Variants in GDA observed in about 807,000 individuals in gnomAD.
The protein encoded by GDA is cytoplasmic PSD-95 interactor.
GDA carries 18 observed loss-of-function variants against 59.6 expected under a neutral mutation model. The observed-to-expected ratio is 0.30, with a 90% CI of 0.21 to 0.45. The LOEUF is 0.45. Among genes scored for constraint, GDA ranks in the 20% least tolerant of loss-of-function variants. GDA has a pLI of 1.00. For synonymous variants in GDA, 201 were observed against 201.1 expected (o/e 1.00, Z 0.00); for missense variants, 427 against 552.3 (o/e 0.77, Z 2.27).
At chr9:72,189,313 T>C (rs1832251435) in intron 1 of GDA, among the ~76,000 whole-genome samples, 1 of 151,586 alleles carries the variant, frequency 6.6e-6, no homozygotes, top group African/African-American at 2.4e-5. Context: ...CCTGAATAGC[T>C]GGGGTTACAG....
chr9:72,218,587 C>A (rs1181616041), intron 5 of GDA, among the ~76,000 whole-genome samples: 1 of 152,208 alleles, frequency 6.6e-6, no homozygotes, highest in Non-Finnish European at 1.5e-5. Context: ...TTACAGTTGC[C>A]ACCATCCCTG....
chr9:72,174,051 T>A (rs1042268781), intron 1 of GDA, among the ~76,000 whole-genome samples: 10 of 152,216 alleles, frequency 6.6e-5, no homozygotes, highest in Non-Finnish European at 1.5e-4. Flanking sequence ...TTCCATTAAT[T>A]GTTCTATGTG....
intron 1 of GDA, among the ~76,000 whole-genome samples, chr9:72,175,840 A>G (rs1186822501): frequency 3.9e-5 from 6 of 152,226 alleles, no homozygotes; most frequent in South Asian, 2.1e-4. Context: ...TGAGTCTGCT[A>G]TAAGGAAACC....
chr9:72,219,467 G>T lies in GDA; in HGVS notation c.579-12G>T, dbSNP rs1836583176. 1 of 1,574,704 alleles carries T rather than the reference G, an allele frequency of 6.4e-7. No individual in the cohort carries two copies. Among genetic ancestry groups the T allele is most frequent in the South Asian group, 1.2e-5 (1 of 86,478 alleles). ...GCTCAAGTTTTCTAACCCATTTGTT[G>T]CTTTATTTCAGATTTGTGTCAGAAA... is the stretch of plus-strand genomic sequence containing the variant. On this transcript the variant is annotated splice_polypyrimidine_tract_variant and intron_variant, in intron 5 of 13. Transcript: ENST00000358399.
downstream of GDA, among the ~76,000 whole-genome samples, chr9:72,252,803 A>T (rs1295809498): frequency 2.0e-5 from 3 of 152,098 alleles, no homozygotes; most frequent in East Asian, 5.8e-4. Context: ...CAGATATGTT[A>T]CTTTAAGTGT....
downstream of GDA, among the ~76,000 whole-genome samples, chr9:72,255,440 G>A (rs1840861893): frequency 6.6e-6 from 1 of 152,050 alleles, no homozygotes; most frequent in African/African-American, 2.4e-5. Context: ...ACCAGATCCT[G>A]TTTTGGTCAG....
intron 2 of GDA, among the ~76,000 whole-genome samples, chr9:72,199,939 T>A (rs1395449368): frequency 6.6e-6 from 1 of 152,026 alleles, no homozygotes; most frequent in Non-Finnish European, 1.5e-5. Flanking sequence ...CAGAGAACTC[T>A]GGCATCGCCA....
chr9:72,169,526 G>A (rs75871252), intron 1 of GDA, among the ~76,000 whole-genome samples: 4,825 of 152,164 alleles, frequency 0.032, 275 homozygotes, highest in African/African-American at 0.11. Context: ...ACTTAATGTG[G>A]CTACTCTGAA....
chr9:72,235,566 A>G (rs1283192442), intron 10 of GDA, among the ~76,000 whole-genome samples: 1 of 152,084 alleles, frequency 6.6e-6, no homozygotes, highest in Non-Finnish European at 1.5e-5. Context: ...GTGTGGTAGC[A>G]TGTGCCTGTA....
At chr9:72,220,335 A>G (rs530345444) in intron 6 of GDA, among the ~76,000 whole-genome samples, 1 of 152,240 alleles carries the variant, frequency 6.6e-6, no homozygotes, top group South Asian at 2.1e-4. Context: ...AAATAATGAA[A>G]TATTAATGAT....
chr9:72,239,039 C>T (rs1279442567), intron 10 of GDA, among the ~76,000 whole-genome samples: 1 of 152,120 alleles, frequency 6.6e-6, no homozygotes, highest in African/African-American at 2.4e-5. Context: ...ACCACAGTGC[C>T]TCTAGCCATA....
intron 1 of GDA, among the ~76,000 whole-genome samples, chr9:72,170,630 C>A (rs1829850178): frequency 6.6e-6 from 1 of 152,122 alleles, no homozygotes; most frequent in South Asian, 2.1e-4. Context: ...ATATATGTCT[C>A]CTGATAACCT....
chr9:72,224,393 T>C (rs1220880119), intron 7 of GDA, among the ~76,000 whole-genome samples: 2 of 152,212 alleles, frequency 1.3e-5, no homozygotes, highest in African/African-American at 2.4e-5. Flanking sequence ...TTTCAGAACA[T>C]TGCTATTTTT....
Position 72,249,924 on chromosome 9 carries a change from A to G in GDA, c.*1582A>G. On this transcript the variant is annotated 3_prime_UTR_variant, in exon 14 of 14. Coordinates refer to ENST00000358399, the MANE Select transcript of GDA (RefSeq NM_004293.5). The stretch of plus-strand genomic sequence containing the variant: ...CAGTAATTGGCCCAGTTTTTTCCCT[A>G]ATAGAAATACTTTTAGATTTGATTA... The G allele has an allele frequency of 1.0e-6, 1 of 954,500 alleles. No homozygotes were observed. Among genetic ancestry groups the G allele is most frequent in the Non-Finnish European group, 1.2e-6 (1 of 801,812 alleles). 59.1% of individuals were successfully genotyped at this position (954,500 alleles called of 1,614,324 possible).
At chr9:72,149,780 G>T (rs920245431) in intron 1 of GDA, 98 bp downstream of exon 1, 6 of 1,238,450 alleles carry the variant, frequency 4.8e-6, no homozygotes, top group South Asian at 3.2e-5. Flanking sequence ...CGCTCGGTGC[G>T]CAGTGAGCGC....
In GDA at chr9:72,223,192, G is replaced by A. The variant is rs749225604; in HGVS notation, c.679G>A (p.Gly227Ser). Residue 227 changes from glycine to serine, a missense_variant, in exon 7 of 14, where the codon GGC (glycine) becomes AGC (serine). Coordinates refer to ENST00000358399, the MANE Select transcript of GDA (RefSeq NM_004293.5). ...CTCTGAGACTTTGATGGGTGAACTGGGCAACATTGCTAAAACCCGTGATTT... is the reference window on the plus strand; with the variant it reads ...CTCTGAGACTTTGATGGGTGAACTGAGCAACATTGCTAAAACCCGTGATTT... ...SCSETLMGEL[G>S]NIAKTRDLHI... 1.1e-5 allele frequency: 17 copies of A among 1,612,688 alleles called. No homozygotes were observed. The highest frequency in any genetic ancestry group is 1.7e-5 in the Admixed American group (1 of 59,958).
intron 5 of GDA, 103 bp from the exon 6 acceptor site, chr9:72,219,376 C>T: frequency 1.2e-6 from 1 of 805,236 alleles, no homozygotes; most frequent in Non-Finnish European, 2.0e-6. Flanking sequence ...TCACTCCAGC[C>T]TGGGCGACAG....
chr9:72,146,290 A>G (rs1166338800), upstream of GDA, among the ~76,000 whole-genome samples: 1 of 152,022 alleles, frequency 6.6e-6, no homozygotes, highest in Non-Finnish European at 1.5e-5. Flanking sequence ...CAGCCAGGGA[A>G]TATTCCATGC....
rs940410843 is a variant in GDA, at chr9:72,202,445, G to T, written c.213-126G>T. 3.2e-5 allele frequency: 20 copies of T among 616,270 alleles called. No individual in the cohort carries two copies. The Admixed American group carries it at 5.4e-4, about 17-fold the overall frequency. The allele number at this position is 616,270 out of a possible 1,614,324, so 38.2% of individuals were successfully genotyped here. On this transcript the variant is annotated intron_variant, in intron 2 of 13. Transcript: ENST00000358399. Reference sequence around the variant, plus strand: ...ATAATTGGAGAATTTACAGTTGTCTGATTGCATTACCTATAAACCTGTGTG... The same window carrying T: ...ATAATTGGAGAATTTACAGTTGTCTTATTGCATTACCTATAAACCTGTGTG...
Sources: gnomAD v4.1 joint callset for allele counts (sites outside exome capture counted in the v4.1 genomes callset) on GRCh38, gnomAD v4.1.1 for gene constraint, MANE v1.5 for transcripts, NCBI Gene and HGNC (gene_info 2026-07-23, HGNC 2026-07-21) for gene names.